The following DRAXIN variants were observed in gnomAD, a reference collection of about 807,000 sequenced individuals.
DRAXIN encodes the protein dorsal inhibitory axon guidance protein.
DRAXIN carries 27 observed loss-of-function variants against 33.9 expected under a neutral mutation model. The observed-to-expected ratio is 0.80, with a 90% CI of 0.59 to 1.10. The LOEUF is 1.10. Ranked by LOEUF, DRAXIN falls within the 50% of genes least tolerant of loss-of-function variation. The probability of loss-of-function intolerance (pLI) is 0.00; values close to 1 mark genes in which losing one functional copy is unlikely to be tolerated. For synonymous variants in DRAXIN, 178 were observed against 194.0 expected (o/e 0.92, Z 0.69); for missense variants, 371 against 460.8 (o/e 0.81, Z 1.78).
At chr1:11,715,779 T>TCA (rs149710425) in intron 6 of DRAXIN, among the ~76,000 whole-genome samples, 3,343 of 152,302 alleles carry the variant, frequency 0.022, 98 homozygotes, top group African/African-American at 0.075. Flanking sequence ...AAAGGAGCTA[T>TCA]GATGATCCGC....
intron 1 of DRAXIN, among the ~76,000 whole-genome samples, chr1:11,699,117 TC>T (rs1641234283): frequency 1.3e-5 from 2 of 152,166 alleles, no homozygotes; most frequent in African/African-American, 4.8e-5. Context: ...AGTCTTATCG[TC>T]ATAGATCATA....
rs927760586 is a variant in DRAXIN, at chr1:11,692,791, C to G, written c.-11+938C>G. Among the ~76,000 whole-genome samples the G allele has an allele frequency of 3.9e-5, 6 of 152,148 alleles. No individual in the cohort carries two copies. Among genetic ancestry groups the G allele is most frequent in the African/African-American group, 1.4e-4 (6 of 41,452 alleles). The stretch of plus-strand genomic sequence containing the variant: ...TACTATGCATCTGGAGTCGGGTACA[C>G]TGGGGCTCTGGGAGTGATCTCGGAC... On this transcript the variant is annotated intron_variant, in intron 1 of 6. Transcript: ENST00000294485. The surrounding 1 kb of genome is among the most constrained non-coding windows in gnomAD (Gnocchi z 5.8).
rs12044306 is a variant in DRAXIN at position 11,703,355 on chromosome 1, C to T, written c.-10-2894C>T. On this transcript the variant is annotated intron_variant, in intron 1 of 6. Transcript: ENST00000294485. ...TCCCAAAGGATGGGCAGGACGTGGA[C>T]GGAGAGAGATGAGGGAGAGGGGGAG... Among the ~76,000 whole-genome samples, 143 of 151,908 alleles carry T rather than the reference C, an allele frequency of 9.4e-4. 5 individuals carry two copies. In the East Asian group the frequency reaches 0.027, roughly 28 times the overall value.
chr1:11,688,037 C>A (rs1570296893), upstream of DRAXIN, among the ~76,000 whole-genome samples: 2 of 152,282 alleles, frequency 1.3e-5, no homozygotes, highest in African/African-American at 4.8e-5. This position sits in a 1 kb window ranked among gnomAD's most constrained non-coding sequence, Gnocchi z 4.6. Flanking sequence ...GGAAGATCAC[C>A]CAGCCAGGGG....
At position 11,709,362 on chromosome 1, in the gene DRAXIN, C is replaced by G; in HGVS notation, c.539C>G (p.Ser180Cys). 1 of 1,613,990 alleles carries G rather than the reference C, an allele frequency of 6.2e-7. No individual in the cohort carries two copies. Among genetic ancestry groups the G allele is most frequent in the Admixed American group, 1.7e-5 (1 of 59,994 alleles). The part of the protein sequence containing the change: ...AQVLDAAMEE[S>C]STSLAPTMFF... ...GTGCTGGATGCAGCCATGGAGGAAT[C>G]CTCCACCAGCCTGGCGCCCACCATG... Residue 180 changes from serine to cysteine, a missense_variant, in exon 3 of 7, where the codon TCC becomes TGC. Physicochemically the swap from Ser to Cys is moderately radical, Grantham distance 112. Transcript: ENST00000294485.
In DRAXIN at chr1:11,692,877, C is replaced by T. The variant is rs1570302579; in HGVS notation, c.-11+1024C>T. 6.6e-6 allele frequency among the ~76,000 whole-genome samples: 1 copy of T among 152,086 alleles called. No individual in the cohort carries two copies. The highest frequency in any genetic ancestry group is 1.9e-4 in the East Asian group (1 of 5,164). On this transcript the variant is annotated intron_variant, in intron 1 of 6. Transcript: ENST00000294485. This position sits in a 1 kb window ranked among gnomAD's most constrained non-coding sequence, Gnocchi z 5.8. Reference sequence around the variant, plus strand: ...TCACAAAACAGGGATGGTGCTAGTCCCTACCTATAGGGATGTGTGTGGAAA... The same window carrying T: ...TCACAAAACAGGGATGGTGCTAGTCTCTACCTATAGGGATGTGTGTGGAAA...
chr1:11,706,230 G>T lies in DRAXIN; in HGVS notation c.-10-19G>T. On this transcript the variant is annotated intron_variant, in intron 1 of 6. Coordinates refer to ENST00000294485, the MANE Select transcript of DRAXIN (RefSeq NM_198545.4). The surrounding 1 kb of genome is among the most constrained non-coding windows in gnomAD (Gnocchi z 5.5). The stretch of plus-strand genomic sequence containing the variant: ...GAGAGGCCTGGGGCTGCGCATTCAT[G>T]GTGTTGCTCTTCTTGCAGGGAGGAG... 6.5e-7 allele frequency: 1 copy of T among 1,538,056 alleles called. No homozygotes were observed. The highest frequency in any genetic ancestry group is 2.3e-5 in the East Asian group (1 of 43,490).
chr1:11,701,853 T>C (rs1032906986), intron 1 of DRAXIN, among the ~76,000 whole-genome samples: 1 of 152,156 alleles, frequency 6.6e-6, no homozygotes, highest in African/African-American at 2.4e-5. Flanking sequence ...TCGCTGTGGA[T>C]CCTTGGCACG....
chr1:11,719,036 G>T (rs1359353020), intron 6 of DRAXIN, among the ~76,000 whole-genome samples: 1 of 152,144 alleles, frequency 6.6e-6, no homozygotes, highest in Non-Finnish European at 1.5e-5. Flanking sequence ...AAGTAACGGG[G>T]ATTACAGGCA....
chr1:11,718,135 C>T (rs1413694891), intron 6 of DRAXIN, among the ~76,000 whole-genome samples: 3 of 132,386 alleles, frequency 2.3e-5, no homozygotes, highest in African/African-American at 9.1e-5. Context: ...GAAACCCCAT[C>T]TCTGCTAAAA....
chr1:11,709,796 T>G (rs938608416), intron 3 of DRAXIN, among the ~76,000 whole-genome samples: 1 of 152,194 alleles, frequency 6.6e-6, no homozygotes, highest in Non-Finnish European at 1.5e-5. Context: ...CAGAGGAGCA[T>G]GAAGCATAAT....
rs530128354 is a variant in DRAXIN, at chr1:11,696,118, G to A, written c.-11+4265G>A. ...ATCGATCACCCCACTGAGGACAGAG[G>A]ACGCAGCCACCTGCGCCTGCCCCTT... On this transcript the variant is annotated intron_variant, in intron 1 of 6. Transcript: ENST00000294485. This position sits in a 1 kb window ranked among gnomAD's most constrained non-coding sequence, Gnocchi z 4.7. Among the ~76,000 whole-genome samples, 8 of 152,274 alleles carry A rather than the reference G, an allele frequency of 5.3e-5. No individual in the cohort carries two copies. The East Asian group carries it at 1.5e-3, about 29-fold the overall frequency.
At position 11,721,840 on chromosome 1, in the gene DRAXIN, G is replaced by A. The variant is rs1641663017; in HGVS notation, c.*2144G>A. 1.3e-5 allele frequency: 2 copies of A among 152,134 alleles called. No homozygotes were observed. Among genetic ancestry groups the A allele is most frequent in the Non-Finnish European group, 2.9e-5 (2 of 68,062 alleles). 9.4% of individuals were successfully genotyped at this position (152,134 alleles called of 1,614,324 possible). On this transcript the variant is annotated 3_prime_UTR_variant, in exon 7 of 7. Transcript: ENST00000294485. ...TCTCTACCAAATATACAAAAATTAA[G>A]GCTGGGCACGAGGGCTCATGTCTGA...
At chr1:11,690,929 AGTGT>A (rs57223755), upstream of DRAXIN, among the ~76,000 whole-genome samples, 22,572 of 150,592 alleles carry the variant, frequency 0.15, 1,839 homozygotes, top group South Asian at 0.21. The surrounding 1 kb of genome is among the most constrained non-coding windows in gnomAD (Gnocchi z 4.2). Context: ...GCCGCGTGTG[AGTGT>A]GTGTGTGTGT....
chr1:11,707,539 G>A (rs1332559082), intron 2 of DRAXIN, among the ~76,000 whole-genome samples: 1 of 152,228 alleles, frequency 6.6e-6, no homozygotes, highest in East Asian at 1.9e-4. Flanking sequence ...GACTTGGTTA[G>A]TGGGGCGCTT....
chr1:11,712,208 G>A, intron 4 of DRAXIN, 132 bp from the exon 5 acceptor site: 1 of 1,079,074 alleles, frequency 9.3e-7, no homozygotes, highest in South Asian at 1.3e-5. Context: ...GAAAATACCT[G>A]TTAGGTCCAA....
At chr1:11,717,574 A>C (rs1175017162) in intron 6 of DRAXIN, among the ~76,000 whole-genome samples, 2 of 149,400 alleles carry the variant, frequency 1.3e-5, no homozygotes. Context: ...AGGCAGGAGA[A>C]TCTCTTGAAA....
At chr1:11,687,879 T>C (rs116179757), upstream of DRAXIN, among the ~76,000 whole-genome samples, 603 of 152,302 alleles carry the variant, frequency 4.0e-3, 3 homozygotes, top group African/African-American at 0.014. The surrounding 1 kb of genome is among the most constrained non-coding windows in gnomAD (Gnocchi z 4.1). Flanking sequence ...TTGATGAATA[T>C]TGGAGCCTGC....
chr1:11,712,004 C>T (rs1312566701), intron 4 of DRAXIN, 39 bp downstream of exon 4: 1 of 1,568,900 alleles, frequency 6.4e-7, no homozygotes, highest in Admixed American at 1.8e-5. Context: ...TGCCTGGGTG[C>T]CCTGCCCTCC....
Sources: allele counts gnomAD v4.1 joint callset (sites outside exome capture counted in the v4.1 genomes callset), GRCh38; gene constraint gnomAD v4.1.1; non-coding constraint Gnocchi (gnomAD v3.1); transcripts MANE v1.5; gene names NCBI Gene and HGNC (gene_info 2026-07-23, HGNC 2026-07-21).